RALGAPB: variants seen among roughly 807,000 people sequenced by gnomAD.
RALGAPB encodes ral GTPase-activating protein subunit beta.
RALGAPB carries 25 observed loss-of-function variants against 161.1 expected under a neutral mutation model. That is an observed-to-expected ratio of 0.16 (90% CI 0.11 to 0.22). RALGAPB has a LOEUF of 0.22. Ranked by LOEUF, RALGAPB falls within the 10% of genes least tolerant of loss-of-function variation. RALGAPB has a pLI of 1.00. For missense variants in RALGAPB, 1,391 were observed against 1,815.2 expected (o/e 0.77, Z 4.25); for synonymous variants, 629 against 626.1 (o/e 1.00, Z -0.07).
intron 5 of RALGAPB, among the ~76,000 whole-genome samples, chr20:38,507,389 T>C (rs897591211): frequency 6.6e-6 from 1 of 152,186 alleles, no homozygotes; most frequent in African/African-American, 2.4e-5. Context: ...TTTTGTTTTT[T>C]TGAGGCAGGG....
intron 4 of RALGAPB, 69 bp from the exon 5 acceptor site, chr20:38,499,378 A>G: frequency 7.4e-7 from 1 of 1,357,296 alleles, no homozygotes; most frequent in Non-Finnish European, 9.9e-7. Context: ...AGTTCTCCCA[A>G]ATCAGTGTCT....
intron 6 of RALGAPB, among the ~76,000 whole-genome samples, chr20:38,514,457 G>A (rs999411429): frequency 7.2e-5 from 11 of 152,148 alleles, no homozygotes; most frequent in African/African-American, 7.2e-5. Context: ...AATTATCTTC[G>A]TTAATTAGGT....
At chr20:38,493,877 T>G (rs933421408) in intron 3 of RALGAPB, among the ~76,000 whole-genome samples, 7 of 152,214 alleles carry the variant, frequency 4.6e-5, no homozygotes, top group African/African-American at 1.4e-4. Flanking sequence ...GGCCCCTAAC[T>G]AGACTAGCTG....
intron 16 of RALGAPB, among the ~76,000 whole-genome samples, chr20:38,535,678 C>T (rs924084201): frequency 4.6e-5 from 7 of 151,858 alleles, no homozygotes; most frequent in East Asian, 3.9e-4. Context: ...CTGCAGCCTC[C>T]GCTTCCAAGC....
intron 5 of RALGAPB, among the ~76,000 whole-genome samples, chr20:38,500,157 A>T (rs2085536352): frequency 6.7e-6 from 1 of 150,294 alleles, no homozygotes. Flanking sequence ...TTTCAGACTT[A>T]TTTTTTCATT....
chr20:38,517,633 G>A lies in RALGAPB; in HGVS notation c.1179G>A (p.Lys393=). ...NRRHRAVTVN[K]ATMKTSTVST... ...GGCACCGGGCTGTTACTGTGAATAA[G>A]GCCACCATGAAGACAAGCACAGTAA... is the stretch of plus-strand genomic sequence containing the variant. Residue 393 remains lysine (K), a synonymous_variant, in exon 8 of 30, where the codon AAG becomes AAA. Transcript: ENST00000262879. The A allele has an allele frequency of 1.9e-6, 3 of 1,613,890 alleles. No individual in the cohort carries two copies. Among genetic ancestry groups the A allele is most frequent in the Non-Finnish European group, 2.5e-6 (3 of 1,179,954 alleles).
At chr20:38,507,216 A>G (rs1348811380) in intron 5 of RALGAPB, among the ~76,000 whole-genome samples, 1 of 152,118 alleles carries the variant, frequency 6.6e-6, no homozygotes, top group East Asian at 1.9e-4. Flanking sequence ...ATATAATATT[A>G]TCTACTTTTT....
intron 1 of RALGAPB, among the ~76,000 whole-genome samples, chr20:38,480,658 G>A (rs1411827506): frequency 3.3e-5 from 5 of 151,454 alleles, no homozygotes; most frequent in Admixed American, 2.0e-4. Flanking sequence ...AAAGTGCTGG[G>A]ATTACAGGCA....
chr20:38,566,984 C>G (rs2088023612), intron 25 of RALGAPB, 112 bp from the exon 26 acceptor site: 1 of 1,450,120 alleles, frequency 6.9e-7, no homozygotes, highest in African/African-American at 1.4e-5. Context: ...GCTCTCGAAG[C>G]AATGCTTTGT....
chr20:38,571,810 A>G (rs940362160), intron 28 of RALGAPB, among the ~76,000 whole-genome samples: 1 of 152,158 alleles, frequency 6.6e-6, no homozygotes, highest in African/African-American at 2.4e-5. Context: ...ACCAGTTTAC[A>G]TTTCCACCAA....
intron 28 of RALGAPB, among the ~76,000 whole-genome samples, chr20:38,572,738 G>A (rs747466069): frequency 3.3e-5 from 5 of 152,088 alleles, no homozygotes; most frequent in Non-Finnish European, 5.9e-5. Flanking sequence ...ATATCTTAAC[G>A]TTCCAAATAC....
At chr20:38,479,986 T>C (rs2084920246) in intron 1 of RALGAPB, among the ~76,000 whole-genome samples, 1 of 151,796 alleles carries the variant, frequency 6.6e-6, no homozygotes, top group African/African-American at 2.4e-5. Flanking sequence ...CTTTCTTCTT[T>C]TTTTTTTTTG....
At chr20:38,564,238 A>G (rs1205419881) in intron 24 of RALGAPB, among the ~76,000 whole-genome samples, 1 of 152,174 alleles carries the variant, frequency 6.6e-6, no homozygotes, top group Non-Finnish European at 1.5e-5. Context: ...GTTTTTGTAA[A>G]TAAAGTTTTA....
At chr20:38,482,656 T>G (rs2085002887) in intron 1 of RALGAPB, among the ~76,000 whole-genome samples, 1 of 152,194 alleles carries the variant, frequency 6.6e-6, no homozygotes, top group Admixed American at 6.5e-5. Context: ...CTCGAACTCC[T>G]GACCTCAGGT....
intron 25 of RALGAPB, 36 bp from the exon 26 acceptor site, chr20:38,567,060 A>G (rs778569937): frequency 1.3e-6 from 2 of 1,590,808 alleles, no homozygotes; most frequent in Admixed American, 1.8e-5. Context: ...AATAAGTGGT[A>G]TGTATTATAG....
In RALGAPB at chr20:38,570,912, A is replaced by G. The variant is rs7266464; in HGVS notation, c.4142+65A>G. 4 of 1,066,020 alleles carry G rather than the reference A, an allele frequency of 3.8e-6. No individual in the cohort carries two copies. In the African/African-American group the frequency reaches 4.8e-5, roughly 13 times the overall value. 66.0% of individuals were successfully genotyped at this position (1,066,020 alleles called of 1,614,324 possible). On this transcript the variant is annotated intron_variant, in intron 28 of 29. Coordinates refer to ENST00000262879, the MANE Select transcript of RALGAPB (RefSeq NM_020336.4). ...TTTAACATATTGATTGCAGCTTAAT[A>G]AATAAGGAATTATGAAACGAAAGAG... is the stretch of plus-strand genomic sequence containing the variant.
intron 1 of RALGAPB, among the ~76,000 whole-genome samples, chr20:38,481,324 A>T (rs1435064580): frequency 6.6e-6 from 1 of 152,196 alleles, no homozygotes; most frequent in Non-Finnish European, 1.5e-5. Context: ...CATGCTGCTG[A>T]TAAAGACATA....
intron 20 of RALGAPB, among the ~76,000 whole-genome samples, chr20:38,550,426 G>A (rs2145433707): frequency 6.6e-6 from 1 of 152,320 alleles, no homozygotes; most frequent in Non-Finnish European, 1.5e-5. Context: ...GATGTGATGT[G>A]TTTATCACCC....
In RALGAPB at chr20:38,576,800, G is replaced by C. The variant is rs1356570660; in HGVS notation, c.*1833G>C. The C allele has an allele frequency of 6.6e-6, 1 of 152,642 alleles. No individual in the cohort carries two copies. Among genetic ancestry groups the C allele is most frequent in the Admixed American group, 6.5e-5 (1 of 15,288 alleles). The allele number at this position is 152,642 out of a possible 1,614,324, so 9.5% of individuals were successfully genotyped here. A position where few individuals can be genotyped will look rare whatever the true frequency, so the allele number is the denominator to read the frequency against. ...AATGGGCTCTTGTTCTAGTTGAAGT[G>C]AGCAGAGAAGGCTATAAATTAATAT... On this transcript the variant is annotated 3_prime_UTR_variant, in exon 30 of 30. Coordinates refer to ENST00000262879, the MANE Select transcript of RALGAPB (RefSeq NM_020336.4).
Sources: gnomAD v4.1 joint callset for allele counts (sites outside exome capture counted in the v4.1 genomes callset) on GRCh38, gnomAD v4.1.1 for gene constraint, MANE v1.5 for transcripts, NCBI Gene and HGNC (gene_info 2026-07-23, HGNC 2026-07-21) for gene names.